ADCY1: variants seen among roughly 807,000 people sequenced by gnomAD.
ADCY1 encodes the protein adenylate cyclase type 1.
Under a neutral mutation model 105.4 loss-of-function variants are expected in ADCY1, and 28 were observed. The ratio of observed to expected loss-of-function variants is 0.27; its 90% CI spans 0.20 to 0.36. ADCY1 has a LOEUF of 0.36. Among genes scored for constraint, ADCY1 ranks in the 10% least tolerant of loss-of-function variants. The pLI, the probability that ADCY1 is intolerant of heterozygous loss-of-function variation, is 1.00. For synonymous variants in ADCY1, 655 were observed against 623.8 expected (o/e 1.05, Z -0.75); for missense variants, 977 against 1,434.2 (o/e 0.68, Z 5.15).
Position 45,721,500 on chromosome 7 carries a change from G to A in ADCY1, c.*7505G>A. ...TCTCTGACATCAAATGGGGAGAAAT[G>A]GTGGCACCTCCAGACACCCTGAAAC... On this transcript the variant is annotated 3_prime_UTR_variant, in exon 20 of 20. Transcript: ENST00000297323. The A allele has an allele frequency of 2.5e-6, 1 of 395,582 alleles. No homozygotes were observed. The highest frequency in any genetic ancestry group is 4.4e-6 in the Non-Finnish European group (1 of 224,842). The allele number at this position is 395,582 out of a possible 1,614,324, so 24.5% of individuals were successfully genotyped here.
chr7:45,635,143 T>C (rs912595706), intron 4 of ADCY1, among the ~76,000 whole-genome samples: 50 of 151,980 alleles, frequency 3.3e-4, no homozygotes, highest in African/African-American at 1.2e-3. Context: ...GGTCAGTTTT[T>C]TTTTTTTCCT....
chr7:45,690,880 TG>T (rs1347838138), intron 14 of ADCY1, among the ~76,000 whole-genome samples: 1 of 152,252 alleles, frequency 6.6e-6, no homozygotes, highest in Non-Finnish European at 1.5e-5. Context: ...CAGATCTTTT[TG>T]TTGCAAAAAC....
At chr7:45,701,670 A>G (rs1584341986) in intron 14 of ADCY1, among the ~76,000 whole-genome samples, 1 of 152,302 alleles carries the variant, frequency 6.6e-6, no homozygotes, top group Non-Finnish European at 1.5e-5. Context: ...TGTGGGTCCT[A>G]TAGAGAGGTG....
At chr7:45,656,107 G>A (rs1794935541) in intron 5 of ADCY1, among the ~76,000 whole-genome samples, 1 of 151,012 alleles carries the variant, frequency 6.6e-6, no homozygotes, top group Admixed American at 6.6e-5. Flanking sequence ...CTAACATGGT[G>A]AAACCCCGAC....
At chr7:45,626,270 C>T (rs889329037) in intron 4 of ADCY1, among the ~76,000 whole-genome samples, 1 of 152,188 alleles carries the variant, frequency 6.6e-6, no homozygotes, top group Admixed American at 6.5e-5. Context: ...AGCGTGCCAG[C>T]CTCTGCTCTA....
rs1361585531 is a variant in ADCY1 at position 45,708,037 on chromosome 7, A to G, written c.2818-313A>G. On this transcript the variant is annotated intron_variant, in intron 17 of 19. Coordinates refer to ENST00000297323, the MANE Select transcript of ADCY1 (RefSeq NM_021116.4). This position sits in a 1 kb window ranked among gnomAD's most constrained non-coding sequence, Gnocchi z 4.7. The stretch of plus-strand genomic sequence containing the variant: ...TCTGTCCTTGTTTTGCTCATTTGCA[A>G]TGGCCATTAGCAACGCTGTCCAAGC... Among the ~76,000 whole-genome samples, 1 of 152,126 alleles carries G rather than the reference A, an allele frequency of 6.6e-6. No individual in the cohort carries two copies. The highest frequency in any genetic ancestry group is 2.4e-5 in the African/African-American group (1 of 41,426).
chr7:45,691,975 T>G (rs1026536657), intron 14 of ADCY1, among the ~76,000 whole-genome samples: 1 of 152,208 alleles, frequency 6.6e-6, no homozygotes, highest in Non-Finnish European at 1.5e-5. Context: ...CCTGAAATGT[T>G]GTACGCTTGT....
Position 45,608,093 on chromosome 7 carries a change from C to T in ADCY1, c.790-2286C>T, listed in dbSNP as rs112450101. Among the ~76,000 whole-genome samples the T allele has an allele frequency of 3.4e-3, 519 of 152,322 alleles. 3 individuals carry two copies. The highest frequency in any genetic ancestry group is 0.017 in the Middle Eastern group (5 of 294). The stretch of plus-strand genomic sequence containing the variant: ...CCCACCAAATGTTCCCTTTTCTCCA[C>T]GGCCTCACCAGCATCTGTTGTTTTT... On this transcript the variant is annotated intron_variant, in intron 2 of 19. Coordinates refer to ENST00000297323, the MANE Select transcript of ADCY1 (RefSeq NM_021116.4).
intron 8 of ADCY1, among the ~76,000 whole-genome samples, chr7:45,667,501 T>A (rs1427020775): frequency 6.6e-6 from 1 of 152,256 alleles, no homozygotes; most frequent in Non-Finnish European, 1.5e-5. Context: ...TCTGTTTTGG[T>A]ACCAGTACCA....
chr7:45,576,503 G>A (rs903491958), intron 1 of ADCY1, among the ~76,000 whole-genome samples: 3 of 152,166 alleles, frequency 2.0e-5, no homozygotes, highest in African/African-American at 7.2e-5. Context: ...GAGGGCGTCG[G>A]AGGAAGAGAG....
intron 3 of ADCY1, among the ~76,000 whole-genome samples, chr7:45,617,325 A>G (rs12112953): frequency 0.14 from 21,231 of 152,136 alleles, 1,561 homozygotes; most frequent in South Asian, 0.2. Context: ...GTGAATTGCT[A>G]TGGAGTCTCG....
chr7:45,711,114 A>C (rs1281011539), intron 19 of ADCY1, among the ~76,000 whole-genome samples: 1 of 152,198 alleles, frequency 6.6e-6, no homozygotes, highest in Non-Finnish European at 1.5e-5. Flanking sequence ...AGCCATGGAA[A>C]GGTTTAGAAG....
chr7:45,655,018 G>A (rs1385409702), intron 5 of ADCY1, among the ~76,000 whole-genome samples: 1 of 152,158 alleles, frequency 6.6e-6, no homozygotes, highest in African/African-American at 2.4e-5. Context: ...TAGAAATTCT[G>A]CCTAGGTGAC....
chr7:45,710,763 G>A lies in ADCY1; in HGVS notation c.3057+111G>A. ...CAGTCTACAGCCCGTAAGTGGCAGGGCAGAAAGAGCTGCATATTTCGGTCT... is the reference window on the plus strand; with the variant it reads ...CAGTCTACAGCCCGTAAGTGGCAGGACAGAAAGAGCTGCATATTTCGGTCT... On this transcript the variant is annotated intron_variant, in intron 19 of 19. Transcript: ENST00000297323. The surrounding 1 kb of genome is among the most constrained non-coding windows in gnomAD (Gnocchi z 4.7). 7.3e-7 allele frequency: 1 copy of A among 1,371,994 alleles called. No homozygotes were observed. The highest frequency in any genetic ancestry group is 9.7e-7 in the Non-Finnish European group (1 of 1,027,050). 85.0% of individuals were successfully genotyped at this position (1,371,994 alleles called of 1,614,324 possible). A position where few individuals can be genotyped will look rare whatever the true frequency, so the allele number is the denominator to read the frequency against.
At chr7:45,631,649 T>G (rs1794261200) in intron 4 of ADCY1, among the ~76,000 whole-genome samples, 1 of 152,248 alleles carries the variant, frequency 6.6e-6, no homozygotes, top group South Asian at 2.1e-4. Flanking sequence ...GATTAATGTT[T>G]AATAAGGTGA....
At chr7:45,609,857 G>A (rs1372951368) in intron 2 of ADCY1, among the ~76,000 whole-genome samples, 1 of 152,120 alleles carries the variant, frequency 6.6e-6, no homozygotes, top group Non-Finnish European at 1.5e-5. Context: ...TCTCTTGGGG[G>A]AAAAAAGAAA....
At chr7:45,579,420 C>T (rs549066278) in intron 1 of ADCY1, among the ~76,000 whole-genome samples, 8 of 152,234 alleles carry the variant, frequency 5.3e-5, no homozygotes, top group Admixed American at 2.0e-4. Flanking sequence ...CAGCCCCTCC[C>T]GCTGCTGGTC....
At chr7:45,624,216 T>TAGTC (rs1793988116) in intron 4 of ADCY1, among the ~76,000 whole-genome samples, 1 of 152,112 alleles carries the variant, frequency 6.6e-6, no homozygotes, top group Admixed American at 6.5e-5. Flanking sequence ...AGCCAGGCGG[T>TAGTC]AGTCACACGA....
At chr7:45,654,669 A>G (rs901597191) in intron 5 of ADCY1, among the ~76,000 whole-genome samples, 3 of 152,140 alleles carry the variant, frequency 2.0e-5, no homozygotes, top group Non-Finnish European at 1.5e-5. Context: ...TACTTCGTCT[A>G]ATTATTGGAT....
Sources: gnomAD v4.1 joint callset for allele counts (sites outside exome capture counted in the v4.1 genomes callset) on GRCh38, gnomAD v4.1.1 for gene constraint, Gnocchi (gnomAD v3.1) non-coding constraint, MANE v1.5 for transcripts, NCBI Gene and HGNC (gene_info 2026-07-23, HGNC 2026-07-21) for gene names.